NPIPB2: variants seen among roughly 807,000 people sequenced by gnomAD.
NPIPB2 encodes the protein nuclear pore complex-interacting protein family member B2.
In NPIPB2, 27 loss-of-function variants were observed where a neutral mutation model predicts 30.8. The ratio of observed to expected loss-of-function variants is 0.88; its 90% CI spans 0.65 to 1.21. The LOEUF (loss-of-function observed/expected upper bound fraction) is 1.21, where lower values mean the gene tolerates loss of function less well. Ranked by LOEUF, NPIPB2 falls within the 50% of genes most tolerant of loss-of-function variation. The pLI is 0.00. For synonymous variants in NPIPB2, 147 were observed against 162.0 expected (o/e 0.91, Z 0.70); for missense variants, 440 against 446.2 (o/e 0.99, Z 0.13).
At chr16:11,960,353 CTT>C (rs35099223) in intron 1 of NPIPB2, among the ~76,000 whole-genome samples, 98 of 126,300 alleles carry the variant, frequency 7.8e-4, no homozygotes, top group East Asian at 2.8e-3. Context: ...GTATGGTTCC[CTT>C]TTTTTTTTTT....
At chr16:11,967,588 T>C in intron 1 of NPIPB2, 2 of 1,613,274 alleles carry the variant, frequency 1.2e-6, no homozygotes, top group East Asian at 2.2e-5. Context: ...CTCCTGGGCA[T>C]GGCTAACATT....
intron 1 of NPIPB2, among the ~76,000 whole-genome samples, chr16:11,975,493 C>G (rs755641236): frequency 6.6e-6 from 1 of 152,032 alleles, no homozygotes; most frequent in Non-Finnish European, 1.5e-5. Context: ...TAGACAGGCA[C>G]CATGTCTTGC....
chr16:11,967,763 C>A, intron 1 of NPIPB2: 1 of 1,614,216 alleles, frequency 6.2e-7, no homozygotes, highest in Non-Finnish European at 8.5e-7. Flanking sequence ...CCATTCTTGT[C>A]ACCACGAAAA....
At chr16:11,957,842 T>G (rs940765370) in intron 1 of NPIPB2, among the ~76,000 whole-genome samples, 1 of 152,096 alleles carries the variant, frequency 6.6e-6, no homozygotes, top group African/African-American at 2.4e-5. Context: ...CCCTGCGGAG[T>G]TTGGACTTGC....
chr16:11,942,855 G>A (rs4107298), upstream of NPIPB2, among the ~76,000 whole-genome samples: 2 of 152,084 alleles, frequency 1.3e-5, no homozygotes, highest in Admixed American at 1.3e-4. Flanking sequence ...CACACAGAGT[G>A]TGCCCAAACT....
intron 1 of NPIPB2, among the ~76,000 whole-genome samples, chr16:11,974,029 A>G (rs1318989038): frequency 2.0e-5 from 3 of 152,168 alleles, no homozygotes; most frequent in Non-Finnish European, 2.9e-5. Flanking sequence ...TCAGTTTTAC[A>G]GGGAGGGGAA....
At chr16:11,968,459 A>C (rs2055213727) in intron 1 of NPIPB2, 1 of 152,324 alleles carries the variant, frequency 6.6e-6, no homozygotes, top group Non-Finnish European at 1.5e-5. Context: ...CCTGGGCAAG[A>C]GGGTGAGACT....
chr16:11,967,447 C>G, intron 1 of NPIPB2: 8 of 997,228 alleles, frequency 8.0e-6, no homozygotes, highest in Non-Finnish European at 1.2e-5. Flanking sequence ...CAGTAAGACC[C>G]CACCTCTAAA....
chr16:11,957,753 C>T (rs1296484986), intron 1 of NPIPB2, among the ~76,000 whole-genome samples: 2 of 152,196 alleles, frequency 1.3e-5, no homozygotes, highest in Admixed American at 6.5e-5. Flanking sequence ...GAGTGTCTGG[C>T]CTGCCTGGCT....
At chr16:11,948,725 C>A (rs1232622993) in intron 1 of NPIPB2, among the ~76,000 whole-genome samples, 1 of 141,618 alleles carries the variant, frequency 7.1e-6, no homozygotes, top group Non-Finnish European at 1.5e-5. Context: ...CGAGATCCCG[C>A]CACTGCACTC....
intron 4 of NPIPB2, among the ~76,000 whole-genome samples, 162 bp from the exon 5 acceptor site, chr16:11,930,713 TC>T (rs1387717069): frequency 7.7e-6 from 1 of 130,666 alleles, no homozygotes; most frequent in Non-Finnish European, 1.6e-5. Flanking sequence ...AATTGACACC[TC>T]CCATTGAGGG....
rs770030639 is a variant in NPIPB2 at position 11,967,694 on chromosome 16, C to G, written c.-584+8874G>C. On this transcript the variant is annotated intron_variant, in intron 1 of 5. Coordinates refer to the NPIPB2 transcript ENST00000538896. ...GCACCTGTGAAGACTGCATCAAGAG[C>G]AAACCGAAGGTCGACTCTGACCATT... The G allele has an allele frequency of 2.5e-6, 4 of 1,614,172 alleles. No individual in the cohort carries two copies. The East Asian group carries it at 8.9e-5, about 36-fold the overall frequency.
intron 1 of NPIPB2, among the ~76,000 whole-genome samples, chr16:11,953,693 C>T (rs2055087126): frequency 6.9e-6 from 1 of 144,720 alleles, no homozygotes; most frequent in Non-Finnish European, 1.5e-5. Context: ...GCTTTCAGAT[C>T]ATCCTTTTAT....
At chr16:11,941,704 C>T (rs983457686) in intron 1 of NPIPB2, 24 of 712,508 alleles carry the variant, frequency 3.4e-5, no homozygotes, top group Admixed American at 8.3e-5. Flanking sequence ...CTGATGACCC[C>T]GGTGGTGCCT....
intron 1 of NPIPB2, among the ~76,000 whole-genome samples, chr16:11,973,536 T>C (rs947937320): frequency 2.6e-5 from 4 of 152,194 alleles, no homozygotes; most frequent in African/African-American, 9.6e-5. Flanking sequence ...AGTGAATACC[T>C]ATCCCTCAAC....
In NPIPB2 at chr16:11,974,015, C is replaced by G. The variant is rs2055252002; in HGVS notation, c.-584+2553G>C. Among the ~76,000 whole-genome samples the G allele has an allele frequency of 2.6e-5, 4 of 152,106 alleles. No homozygotes were observed. The South Asian group carries it at 8.3e-4, about 31-fold the overall frequency. Reference sequence around the variant, plus strand: ...AAAGCATTTGTTCAGGTGTGGTTACCTTCTCAGTTTTACAGGGAGGGGAAA... The same window carrying G: ...AAAGCATTTGTTCAGGTGTGGTTACGTTCTCAGTTTTACAGGGAGGGGAAA... On this transcript the variant is annotated intron_variant, in intron 1 of 5. Coordinates refer to the NPIPB2 transcript ENST00000538896.
chr16:11,961,778 TAA>T (rs760800876), intron 1 of NPIPB2, among the ~76,000 whole-genome samples: 50 of 125,476 alleles, frequency 4.0e-4, no homozygotes, highest in Admixed American at 6.5e-4. Context: ...AGACCCTGTT[TAA>T]AAAAAAAAAA....
intron 4 of NPIPB2, 81 bp downstream of exon 4, chr16:11,933,436 A>C (rs1164227256): frequency 6.3e-7 from 1 of 1,575,644 alleles, no homozygotes; most frequent in East Asian, 2.2e-5. Flanking sequence ...ATTGTAGAAA[A>C]TATTCTCAAG....
At chr16:11,929,988 T>A (rs1202772150) in intron 5 of NPIPB2, among the ~76,000 whole-genome samples, 2 of 139,350 alleles carry the variant, frequency 1.4e-5, no homozygotes, top group Non-Finnish European at 3.1e-5. Flanking sequence ...TCCTTCCCCA[T>A]TCTCAGTACA....
Sources: allele counts gnomAD v4.1 joint callset (sites outside exome capture counted in the v4.1 genomes callset), GRCh38; gene constraint gnomAD v4.1.1; transcripts MANE v1.5; gene names NCBI Gene and HGNC (gene_info 2026-07-23, HGNC 2026-07-21).